Variants in SLIT1 observed in about 807,000 individuals in gnomAD.
SLIT1 encodes the protein slit homolog 1 protein.
SLIT1 carries 66 observed loss-of-function variants against 186.1 expected under a neutral mutation model. That is an observed-to-expected ratio of 0.35 (90% CI 0.29 to 0.44). The LOEUF (loss-of-function observed/expected upper bound fraction) is 0.44. SLIT1 is among the 20% of genes least tolerant of loss of function. SLIT1 has a pLI of 1.00. For synonymous variants in SLIT1, 761 were observed against 833.8 expected, an observed-to-expected ratio of 0.91 and a Z score of 1.50; for missense variants, 1,638 against 2,037.4, an observed-to-expected ratio of 0.80 and a Z score of 3.77.
At chr10:97,117,623 A>T (rs1233267050) in intron 4 of SLIT1, among the ~76,000 whole-genome samples, 1 of 152,226 alleles carries the variant, frequency 6.6e-6, no homozygotes, top group Non-Finnish European at 1.5e-5. Flanking sequence ...TTGAGAGTAT[A>T]TAAATAATCT....
At chr10:97,115,873 A>G (rs1007339434) in intron 4 of SLIT1, among the ~76,000 whole-genome samples, 10 of 151,712 alleles carry the variant, frequency 6.6e-5, no homozygotes, top group Admixed American at 6.6e-4. Flanking sequence ...GAAAACATAG[A>G]CTCCTCCCAG....
chr10:97,010,937 G>T lies in SLIT1; in HGVS notation c.3341+56C>A. The T allele has an allele frequency of 6.4e-7, 1 of 1,571,842 alleles. No homozygotes were observed. Among genetic ancestry groups the T allele is most frequent in the Non-Finnish European group, 8.7e-7 (1 of 1,152,558 alleles). On this transcript the variant is annotated intron_variant, in intron 31 of 36. Coordinates refer to ENST00000266058, the MANE Select transcript of SLIT1 (RefSeq NM_003061.3). The surrounding 1 kb of genome is among the most constrained non-coding windows in gnomAD (Gnocchi z 4.8). ...TCGCCATGGCTGGAGGCTCCTGCCA[G>T]CCCAGGGGCTGACAGCCACAAGGAG...
At chr10:97,113,865 G>C (rs895492095) in intron 4 of SLIT1, among the ~76,000 whole-genome samples, 1 of 152,284 alleles carries the variant, frequency 6.6e-6, no homozygotes, top group Middle Eastern at 3.4e-3. Flanking sequence ...AGATTTTTAA[G>C]GTGAATTTTA....
chr10:97,111,863 G>A (rs1849467986), intron 4 of SLIT1, among the ~76,000 whole-genome samples: 1 of 152,072 alleles, frequency 6.6e-6, no homozygotes, highest in African/African-American at 2.4e-5. Flanking sequence ...AATAAGACTC[G>A]GGTGTCCAGG....
intron 4 of SLIT1, among the ~76,000 whole-genome samples, chr10:97,089,734 G>A (rs1229874494): frequency 6.6e-6 from 1 of 151,996 alleles, no homozygotes; most frequent in African/African-American, 2.4e-5. Flanking sequence ...GGGACGGCCT[G>A]TCATCGTGGA....
At chr10:97,148,120 A>G (rs60504005) in intron 4 of SLIT1, among the ~76,000 whole-genome samples, 118,517 of 151,502 alleles carry the variant, frequency 0.78, 46,732 homozygotes, top group Admixed American at 0.85. Context: ...CAACCAATTT[A>G]CTTAACCTGC....
rs921076690 is a variant in SLIT1, at chr10:97,068,185, C to T, written c.414-2099G>A. Among the ~76,000 whole-genome samples the T allele has an allele frequency of 6.6e-6, 1 of 151,928 alleles. No individual in the cohort carries two copies. The highest frequency in any genetic ancestry group is 6.6e-5 in the Admixed American group (1 of 15,260). ...ATGGAACTGGAGAGATGCACCCTGTCCTGGAGGGAGCTCAGTCCCCAGCTA... is the reference window on the plus strand; with the variant it reads ...ATGGAACTGGAGAGATGCACCCTGTTCTGGAGGGAGCTCAGTCCCCAGCTA... On this transcript the variant is annotated intron_variant, in intron 4 of 36. Coordinates refer to ENST00000266058, the MANE Select transcript of SLIT1 (RefSeq NM_003061.3). This position sits in a 1 kb window ranked among gnomAD's most constrained non-coding sequence, Gnocchi z 4.2.
intron 4 of SLIT1, among the ~76,000 whole-genome samples, chr10:97,109,403 T>A (rs117863507): frequency 0.022 from 3,288 of 151,976 alleles, 44 homozygotes; most frequent in Non-Finnish European, 0.034. Flanking sequence ...TCTCCAGAGG[T>A]GCTTAAAGGA....
At chr10:97,134,743 T>C (rs936672603) in intron 4 of SLIT1, among the ~76,000 whole-genome samples, 1 of 152,248 alleles carries the variant, frequency 6.6e-6, no homozygotes, top group African/African-American at 2.4e-5. Context: ...TGTCACCTTT[T>C]GCCTGTGGAA....
chr10:97,047,064 G>T lies in SLIT1; in HGVS notation c.1636C>A (p.Arg546=), dbSNP rs139991068. 2 of 1,597,224 alleles carry T rather than the reference G, an allele frequency of 1.3e-6. No individual in the cohort carries two copies. The highest frequency in any genetic ancestry group is 1.7e-6 in the Non-Finnish European group (2 of 1,164,806). Residue 546 remains arginine (R), a splice_region_variant and synonymous_variant, in exon 17 of 37, where the codon CGA becomes AGA. Coordinates refer to ENST00000266058, the MANE Select transcript of SLIT1 (RefSeq NM_003061.3). ...ATGGAAATCTCATTGTTATTCAATCGCCTGTAAGAGACAAGAATGAACTTG... is the reference window on the plus strand; with the variant it reads ...ATGGAAATCTCATTGTTATTCAATCTCCTGTAAGAGACAAGAATGAACTTG... ...ERIPQSTAEL[R]LNNNEISILE...
intron 30 of SLIT1, among the ~76,000 whole-genome samples, chr10:97,013,471 G>A (rs752028386): frequency 3.3e-5 from 5 of 152,128 alleles, no homozygotes; most frequent in African/African-American, 1.2e-4. Flanking sequence ...AGCTACTGTT[G>A]TGCCCAGTTT....
At chr10:97,071,296 C>T (rs957712237) in intron 4 of SLIT1, among the ~76,000 whole-genome samples, 1 of 152,092 alleles carries the variant, frequency 6.6e-6, no homozygotes, top group Non-Finnish European at 1.5e-5. Flanking sequence ...CAGATGGAGG[C>T]AGGAAGGAGT....
intron 28 of SLIT1, among the ~76,000 whole-genome samples, chr10:97,017,995 C>G (rs903805758): frequency 2.2e-4 from 33 of 151,812 alleles, no homozygotes; most frequent in Admixed American, 1.8e-3. Flanking sequence ...ATTACAGGCG[C>G]GTGCCACCAC....
chr10:97,002,759 C>T lies in SLIT1; in HGVS notation c.4099G>A (p.Gly1367Ser), dbSNP rs780241323. ...TGGTCACAGTGCAGGCCCACCCAGC[C>T]AGCCTCGCAGTGGCACATGGGCCCT... The part of the protein sequence containing the change: ...TPGPMCHCEA[G>S]WVGLHCDQPA... Residue 1367 changes from glycine (G) to serine (S), a missense_variant, in exon 35 of 37, where the codon GGC becomes AGC. Physicochemically the swap from Gly to Ser is moderately conservative, Grantham distance 56 (BLOSUM62 0). Coordinates refer to ENST00000266058, the MANE Select transcript of SLIT1 (RefSeq NM_003061.3). 57 of 1,610,636 alleles carry T rather than the reference C, an allele frequency of 3.5e-5. No homozygotes were observed. Among genetic ancestry groups the T allele is most frequent in the Non-Finnish European group, 4.8e-5 (56 of 1,177,790 alleles).
In SLIT1 at chr10:97,043,728, C is replaced by A. The variant is rs1236707456; in HGVS notation, c.1854-215G>T. ...AGACCCGCCCCCGCCTCTGAGAAGC[C>A]TCGAGGCTCTGTCTCTCTCTCCCTG... is the stretch of plus-strand genomic sequence containing the variant. On this transcript the variant is annotated intron_variant, in intron 18 of 36. Coordinates refer to ENST00000266058, the MANE Select transcript of SLIT1 (RefSeq NM_003061.3). The surrounding 1 kb of genome is among the most constrained non-coding windows in gnomAD (Gnocchi z 7.0). Among the ~76,000 whole-genome samples, 2 of 152,230 alleles carry A rather than the reference C, an allele frequency of 1.3e-5. No homozygotes were observed. Among genetic ancestry groups the A allele is most frequent in the South Asian group, 4.1e-4 (2 of 4,834 alleles).
At chr10:97,156,668 G>A (rs111652927) in intron 4 of SLIT1, among the ~76,000 whole-genome samples, 1 of 152,280 alleles carries the variant, frequency 6.6e-6, no homozygotes, top group African/African-American at 2.4e-5. Context: ...CATGGCAGAG[G>A]CAGAAAGAAC....
chr10:97,144,196 T>G (rs1849793917), intron 4 of SLIT1, among the ~76,000 whole-genome samples: 1 of 24,076 alleles, frequency 4.2e-5, no homozygotes, highest in South Asian at 1.1e-3. Context: ...AGACTCCATC[T>G]CAAAAAAAAA....
chr10:97,049,192 C>T (rs1848765564), intron 13 of SLIT1, 74 bp from the exon 14 acceptor site: 1 of 1,519,648 alleles, frequency 6.6e-7, no homozygotes, highest in South Asian at 1.3e-5. Context: ...GGGACAGGGC[C>T]TCGTTGTGGC....
chr10:97,060,844 C>T (rs1407470805), intron 8 of SLIT1, 57 bp from the exon 9 acceptor site: 1 of 1,500,762 alleles, frequency 6.7e-7, no homozygotes, highest in East Asian at 2.4e-5. Flanking sequence ...CTCCCTTGAG[C>T]CCAGATACCG....
Sources: gnomAD v4.1 joint callset for allele counts (sites outside exome capture counted in the v4.1 genomes callset) on GRCh38, gnomAD v4.1.1 for gene constraint, Gnocchi (gnomAD v3.1) non-coding constraint, MANE v1.5 for transcripts, NCBI Gene and HGNC (gene_info 2026-07-23, HGNC 2026-07-21) for gene names.